ATP2B2: variants seen among roughly 807,000 people sequenced by gnomAD.
ATP2B2 encodes the protein ATPase plasma membrane Ca2+ transporting 2.
A neutral mutation model predicts 120.0 loss-of-function variants in ATP2B2; 15 were observed. The ratio of observed to expected loss-of-function variants is 0.12; its 90% confidence interval spans 0.08 to 0.19. The LOEUF is 0.19. ATP2B2 is among the 10% of genes least tolerant of loss of function. The pLI, the probability that ATP2B2 is intolerant of heterozygous loss-of-function variation, is 1.00. For missense variants in ATP2B2, 1,045 were observed against 1,719.8 expected, an observed-to-expected ratio of 0.61 and a Z score of 6.94; for synonymous variants, 694 against 700.3, an observed-to-expected ratio of 0.99 and a Z score of 0.14.
At chr3:10,410,943 T>C (rs1575151240) in intron 2 of ATP2B2, 128 bp from the exon 3 acceptor site, 1 of 1,138,100 alleles carries the variant, frequency 8.8e-7, no homozygotes, top group East Asian at 2.4e-5. Context: ...GAGCCCAACA[T>C]CTCTTCATGC....
intron 2 of ATP2B2, among the ~76,000 whole-genome samples, chr3:10,427,625 G>A (rs1302808220): frequency 1.3e-5 from 2 of 152,202 alleles, no homozygotes; most frequent in Non-Finnish European, 2.9e-5. Flanking sequence ...GGTATGTGGT[G>A]TCTCCTCAGG....
chr3:10,583,421 G>A lies in ATP2B2; in HGVS notation c.-415+36496C>T, dbSNP rs181606158. ...CTATATCCAAACAGTGCCTTATAAA[G>A]GAAAAGCTGGTTCCTTGACCCTAAG... On this transcript the variant is annotated intron_variant, in intron 2 of 21. Transcript: ENST00000646379. Among the ~76,000 whole-genome samples the A allele has an allele frequency of 2.0e-5, 3 of 152,290 alleles. No homozygotes were observed. In the East Asian group the frequency reaches 5.8e-4, roughly 29 times the overall value.
At chr3:10,482,126 G>A (rs1373862424) in intron 1 of ATP2B2, among the ~76,000 whole-genome samples, 3 of 152,194 alleles carry the variant, frequency 2.0e-5, no homozygotes, top group South Asian at 2.1e-4. Context: ...GTGTTGGTGC[G>A]CGGTAGGTGC....
chr3:10,702,127 G>C (rs1032998738), intron 1 of ATP2B2, among the ~76,000 whole-genome samples: 1 of 152,158 alleles, frequency 6.6e-6, no homozygotes, highest in Non-Finnish European at 1.5e-5. Flanking sequence ...TACCACAGCA[G>C]TGAGAGCAGC....
At chr3:10,681,895 T>C (rs1190993515) in intron 1 of ATP2B2, among the ~76,000 whole-genome samples, 3 of 152,216 alleles carry the variant, frequency 2.0e-5, no homozygotes, top group South Asian at 2.1e-4. Context: ...CAATTTGGTA[T>C]AGAGAATTCA....
chr3:10,435,742 C>T (rs998209931), intron 2 of ATP2B2, among the ~76,000 whole-genome samples: 1 of 152,128 alleles, frequency 6.6e-6, no homozygotes, highest in African/African-American at 2.4e-5. Context: ...TATGGCTGCT[C>T]TGAGCCTCCG....
intron 1 of ATP2B2, among the ~76,000 whole-genome samples, chr3:10,492,620 T>C (rs2065976563): frequency 6.6e-6 from 1 of 152,166 alleles, no homozygotes. Context: ...CGGGAGACTG[T>C]GAATTGCAGC....
chr3:10,473,833 G>C (rs1000841410), intron 1 of ATP2B2, among the ~76,000 whole-genome samples: 2 of 152,234 alleles, frequency 1.3e-5, no homozygotes, highest in Non-Finnish European at 1.5e-5. Flanking sequence ...TGTGATGAGA[G>C]AGAATCAGGC....
At chr3:10,535,385 ATGTGTGTGTGTGTGTG>A (rs34707434) in intron 2 of ATP2B2, among the ~76,000 whole-genome samples, 1 of 147,064 alleles carries the variant, frequency 6.8e-6, no homozygotes, top group Non-Finnish European at 1.5e-5. Context: ...CAGCAGTTTG[ATGTGTGTGTGTGTGTG>A]TGTGTGTGTG....
Position 10,328,755 on chromosome 3 carries a change from C to G in ATP2B2, c.*59G>C. 6.5e-7 allele frequency: 1 copy of G among 1,529,734 alleles called. No individual in the cohort carries two copies. Among genetic ancestry groups the G allele is most frequent in the Non-Finnish European group, 8.8e-7 (1 of 1,130,104 alleles). The allele number at this position is 1,529,734 out of a possible 1,614,324, so 94.8% of individuals were successfully genotyped here. A position where few individuals can be genotyped will look rare whatever the true frequency, so the allele number is the denominator to read the frequency against. ...TTGGGTGCCTGGATGGATGGGTGCC[C>G]GGAAAGCGGGTGGCAGCGGGGTCCA... On this transcript the variant is annotated 3_prime_UTR_variant, in exon 23 of 23. Transcript: ENST00000360273.
intron 3 of ATP2B2, among the ~76,000 whole-genome samples, chr3:10,405,812 C>T (rs3774152): frequency 0.25 from 37,438 of 152,136 alleles, 5,611 homozygotes; most frequent in East Asian, 0.67. Context: ...AACAAAGATC[C>T]TCAAAACTGG....
At chr3:10,512,461 T>TGCGCGCGCGCGC (rs146088719) in intron 3 of ATP2B2, among the ~76,000 whole-genome samples, 1 of 102,982 alleles carries the variant, frequency 9.7e-6, no homozygotes, top group South Asian at 4.3e-4. Flanking sequence ...CTAAAGTGTG[T>TGCGCGCGCGCGC]GCGCACACAC....
At chr3:10,657,153 GGA>G (rs1258448443) in intron 1 of ATP2B2, among the ~76,000 whole-genome samples, 1 of 152,212 alleles carries the variant, frequency 6.6e-6, no homozygotes, top group African/African-American at 2.4e-5. Flanking sequence ...AGAATAAGTT[GGA>G]GAGACTCAGG....
chr3:10,473,959 T>A (rs1490728864), intron 1 of ATP2B2, among the ~76,000 whole-genome samples: 1 of 152,240 alleles, frequency 6.6e-6, no homozygotes, highest in East Asian at 1.9e-4. Context: ...GGTGATAGAT[T>A]AACGTACTTT....
intron 1 of ATP2B2, among the ~76,000 whole-genome samples, chr3:10,658,854 G>A (rs1011530461): frequency 2.6e-5 from 4 of 151,818 alleles, no homozygotes; most frequent in Non-Finnish European, 4.4e-5. Context: ...GAAAGGTCGC[G>A]TTACCCACAA....
At chr3:10,410,995 G>A (rs746882088) in intron 2 of ATP2B2, among the ~76,000 whole-genome samples, 180 bp from the exon 3 acceptor site, 2 of 152,172 alleles carry the variant, frequency 1.3e-5, no homozygotes, top group East Asian at 1.9e-4. Context: ...CAGAGACACC[G>A]TGCAGTGGGT....
At position 10,472,037 on chromosome 3, in the gene ATP2B2, C is replaced by T. The variant is rs1290518266; in HGVS notation, c.-319-22175G>A. On this transcript the variant is annotated intron_variant, in intron 1 of 22. Transcript: ENST00000360273. ...CGGAACTTGGAGTGAGCCGAGATTGCGCCACTGCACTCCCGCCTGGGCCAC... is the reference window on the plus strand; with the variant it reads ...CGGAACTTGGAGTGAGCCGAGATTGTGCCACTGCACTCCCGCCTGGGCCAC... Among the ~76,000 whole-genome samples the T allele has an allele frequency of 4.2e-5, 6 of 143,074 alleles. No individual in the cohort carries two copies. The South Asian group carries it at 6.7e-4, about 16-fold the overall frequency. 93.9% of individuals were successfully genotyped at this position (143,074 alleles called of 152,430 possible).
chr3:10,471,924 CAA>C (rs536243295), intron 1 of ATP2B2, among the ~76,000 whole-genome samples: 1 of 151,278 alleles, frequency 6.6e-6, no homozygotes, highest in Non-Finnish European at 1.5e-5. Context: ...ACTAAAAATA[CAA>C]AAAAATTAGC....
At chr3:10,620,258 C>T (rs2125622916) in intron 1 of ATP2B2, among the ~76,000 whole-genome samples, 1 of 152,276 alleles carries the variant, frequency 6.6e-6, no homozygotes, top group Non-Finnish European at 1.5e-5. Context: ...CCAGGCTTGG[C>T]TGGGCATCCT....
Sources: gnomAD v4.1 joint callset for allele counts (sites outside exome capture counted in the v4.1 genomes callset) on GRCh38, gnomAD v4.1.1 for gene constraint, MANE v1.5 for transcripts, NCBI Gene and HGNC (gene_info 2026-07-23, HGNC 2026-07-21) for gene names.